The following RYR3 variants were observed in gnomAD, a reference collection of about 807,000 sequenced individuals.
RYR3 encodes brain ryanodine receptor-calcium release channel.
Under a neutral mutation model 584.3 loss-of-function variants are expected in RYR3, and 207 were observed. The ratio of observed to expected loss-of-function variants is 0.35; its 90% CI spans 0.32 to 0.40. The LOEUF is 0.40. Ranked by LOEUF, RYR3 falls within the 10% of genes least tolerant of loss-of-function variation. The pLI is 1.00. For missense variants in RYR3, 5,616 were observed against 6,089.2 expected (o/e 0.92, Z 2.59); for synonymous variants, 2,416 against 2,248.5 (o/e 1.07, Z -2.11).
At chr15:33,624,179 T>C (rs2279661) in intron 20 of RYR3, among the ~76,000 whole-genome samples, 156 bp downstream of exon 20, 124,285 of 152,258 alleles carry the variant, frequency 0.82, 50,986 homozygotes, top group Admixed American at 0.85. Context: ...TCACCATGTG[T>C]GTCAATTGGG....
intron 60 of RYR3, among the ~76,000 whole-genome samples, chr15:33,760,954 A>T (rs1320960569): frequency 6.6e-6 from 1 of 152,190 alleles, no homozygotes; most frequent in African/African-American, 2.4e-5. Context: ...CTCACTCAAA[A>T]CTGCACAAGA....
chr15:33,739,190 G>A (rs1183452711), intron 50 of RYR3, among the ~76,000 whole-genome samples: 1 of 152,178 alleles, frequency 6.6e-6, no homozygotes, highest in East Asian at 1.9e-4. Context: ...GAGCTTTAAA[G>A]GTAGAAAATG....
intron 35 of RYR3, 28 bp from the exon 36 acceptor site, chr15:33,663,509 T>G (rs1468367839): frequency 1.3e-6 from 2 of 1,599,654 alleles, no homozygotes; most frequent in African/African-American, 1.3e-5. Flanking sequence ...GTACACAAAG[T>G]GTTATCTATA....
chr15:33,563,039 G>T lies in RYR3; in HGVS notation c.1146+29G>T, dbSNP rs370029838. 156 of 1,575,878 alleles carry T rather than the reference G, an allele frequency of 9.9e-5. 1 individual carries two copies. In the Middle Eastern group the frequency reaches 5.4e-3, roughly 55 times the overall value. On this transcript the variant is annotated intron_variant, in intron 11 of 103. Transcript: ENST00000634891. ...AGAGTCAGAATATCTGTCTACAATT[G>T]TTTTACCCTGAGTTGGAAGCAACTA...
chr15:33,588,595 A>C (rs1463614503), intron 16 of RYR3, among the ~76,000 whole-genome samples: 1 of 152,090 alleles, frequency 6.6e-6, no homozygotes, highest in Non-Finnish European at 1.5e-5. Flanking sequence ...GCAATTTCTC[A>C]TCATTTACCC....
At chr15:33,373,113 G>A (rs2040463559) in intron 1 of RYR3, among the ~76,000 whole-genome samples, 1 of 152,170 alleles carries the variant, frequency 6.6e-6, no homozygotes, top group Non-Finnish European at 1.5e-5. Context: ...AGGTTTTCAG[G>A]AATGGTGGAT....
At chr15:33,616,606 A>C (rs2060464938) in intron 19 of RYR3, among the ~76,000 whole-genome samples, 1 of 152,212 alleles carries the variant, frequency 6.6e-6, no homozygotes, top group African/African-American at 2.4e-5. Flanking sequence ...TAAGAAACCG[A>C]AGGGTCCAGA....
chr15:33,399,821 A>G (rs2042535138), intron 1 of RYR3, among the ~76,000 whole-genome samples: 1 of 152,180 alleles, frequency 6.6e-6, no homozygotes, highest in Non-Finnish European at 1.5e-5. Context: ...GTATGGAAAT[A>G]TGTGTGTATA....
chr15:33,457,610 C>T (rs1309182145), intron 1 of RYR3, among the ~76,000 whole-genome samples: 1 of 152,070 alleles, frequency 6.6e-6, no homozygotes, highest in East Asian at 1.9e-4. Context: ...AGAGATTGAT[C>T]AATGGGTAAA....
chr15:33,784,226 T>C (rs1211027886), intron 65 of RYR3, among the ~76,000 whole-genome samples: 1 of 152,246 alleles, frequency 6.6e-6, no homozygotes, highest in Non-Finnish European at 1.5e-5. Flanking sequence ...CTCCATGCAC[T>C]ATAACCATGA....
chr15:33,854,656 A>C, intron 97 of RYR3, 110 bp from the exon 98 acceptor site: 1 of 1,399,266 alleles, frequency 7.1e-7, no homozygotes, highest in Non-Finnish European at 9.8e-7. Flanking sequence ...GCACCTCAGC[A>C]CCTAAACCCC....
intron 1 of RYR3, among the ~76,000 whole-genome samples, chr15:33,377,029 G>A (rs1437812919): frequency 6.6e-6 from 1 of 152,174 alleles, no homozygotes; most frequent in East Asian, 1.9e-4. Flanking sequence ...TGGTAGAAAC[G>A]ATGTAACCCT....
intron 48 of RYR3, among the ~76,000 whole-genome samples, chr15:33,735,731 A>G (rs1333159663): frequency 2.6e-5 from 4 of 152,220 alleles, no homozygotes; most frequent in Non-Finnish European, 5.9e-5. Context: ...TTTTGAGAAC[A>G]AAGCCTTACC....
chr15:33,852,400 CA>C (rs2079197262), intron 94 of RYR3: 1 of 152,136 alleles, frequency 6.6e-6, no homozygotes, highest in Admixed American at 6.6e-5. Context: ...GAAGAAAGAT[CA>C]TCTCTCTGGG....
Position 33,859,498 on chromosome 15 carries a change from C to A in RYR3, c.14143-77C>A. 17 of 1,534,436 alleles carry A rather than the reference C, an allele frequency of 1.1e-5. No homozygotes were observed. The South Asian group carries it at 1.6e-4, about 15-fold the overall frequency. On this transcript the variant is annotated intron_variant, in intron 99 of 103. Transcript: ENST00000634891. ...TAGGGCTGCCACAATCTGACCGAAT[C>A]ATATGAATGATCTGAGCATCTTGCT...
At chr15:33,653,396 G>A (rs2062611815) in intron 32 of RYR3, among the ~76,000 whole-genome samples, 1 of 152,164 alleles carries the variant, frequency 6.6e-6, no homozygotes, top group Non-Finnish European at 1.5e-5. Context: ...TATAGGCCAG[G>A]CGCAGTGGCT....
At chr15:33,561,172 C>A (rs923426617) in intron 10 of RYR3, among the ~76,000 whole-genome samples, 3 of 152,208 alleles carry the variant, frequency 2.0e-5, no homozygotes, top group Non-Finnish European at 4.4e-5. Flanking sequence ...TGTTATAAAT[C>A]CAAAGTTAAT....
chr15:33,477,801 G>C (rs2049532299), intron 2 of RYR3, among the ~76,000 whole-genome samples: 1 of 132,860 alleles, frequency 7.5e-6, no homozygotes, highest in East Asian at 2.1e-4. Context: ...CATGAACCCG[G>C]GAGGCGGAGG....
chr15:33,828,491 A>G (rs2077491862), intron 85 of RYR3, among the ~76,000 whole-genome samples: 1 of 152,248 alleles, frequency 6.6e-6, no homozygotes, highest in African/African-American at 2.4e-5. Context: ...ATTAAAGGAC[A>G]TTAAAAGGGC....
Sources: allele counts gnomAD v4.1 joint callset (sites outside exome capture counted in the v4.1 genomes callset), GRCh38; gene constraint gnomAD v4.1.1; transcripts MANE v1.5; gene names NCBI Gene and HGNC (gene_info 2026-07-23, HGNC 2026-07-21).